The following DENND1B variants were observed in gnomAD, a reference collection of about 807,000 sequenced individuals.
DENND1B encodes DENN domain containing 1B.
A neutral mutation model predicts 90.1 loss-of-function variants in DENND1B; 59 were observed. The observed-to-expected ratio is 0.65, with a 90% CI of 0.53 to 0.81. DENND1B has a LOEUF of 0.81. Ranked by LOEUF, DENND1B falls within the 40% of genes least tolerant of loss-of-function variation. The pLI is 0.00. For missense variants in DENND1B, 862 were observed against 912.6 expected, an observed-to-expected ratio of 0.94 and a Z score of 0.71; for synonymous variants, 337 against 324.6, an observed-to-expected ratio of 1.04 and a Z score of -0.41.
At chr1:197,753,518 T>C (rs1238017794) in intron 2 of DENND1B, among the ~76,000 whole-genome samples, 1 of 151,990 alleles carries the variant, frequency 6.6e-6, no homozygotes, top group South Asian at 2.1e-4. Flanking sequence ...ATATACAACA[T>C]GATAAGTGAT....
At chr1:197,663,854 C>A (rs1319927895) in intron 5 of DENND1B, among the ~76,000 whole-genome samples, 1 of 152,068 alleles carries the variant, frequency 6.6e-6, no homozygotes, top group Non-Finnish European at 1.5e-5. Context: ...GGAAATCCTA[C>A]CGACTACTCA....
At chr1:197,529,242 A>ATATATATGTGTG (rs1553277550) in intron 20 of DENND1B, among the ~76,000 whole-genome samples, 3 of 10,860 alleles carry the variant, frequency 2.8e-4, no homozygotes, top group African/African-American at 3.4e-4. Context: ...ATATATATAT[A>ATATATATGTGTG]TGTGTGTGTG....
chr1:197,544,804 A>AGAAGAAGAGGAAGAGGAG (rs754253421), intron 18 of DENND1B, among the ~76,000 whole-genome samples: 58 of 128,364 alleles, frequency 4.5e-4, no homozygotes, highest in African/African-American at 1.3e-3. Flanking sequence ...AGGAGGAAGA[A>AGAAGAAGAGGAAGAGGAG]GAAGAAGAGG....
chr1:197,687,507 A>T (rs191298350), intron 3 of DENND1B, among the ~76,000 whole-genome samples: 8 of 152,178 alleles, frequency 5.3e-5, no homozygotes, highest in Non-Finnish European at 1.0e-4. Flanking sequence ...AATTAGTAGC[A>T]TCACCATTTA....
intron 20 of DENND1B, among the ~76,000 whole-genome samples, chr1:197,515,440 A>AT (rs1279972672): frequency 6.6e-6 from 1 of 151,720 alleles, no homozygotes; most frequent in Non-Finnish European, 1.5e-5. Flanking sequence ...AACTCACAAA[A>AT]TATGATACAA....
intron 3 of DENND1B, among the ~76,000 whole-genome samples, chr1:197,695,344 T>G (rs1418813328): frequency 6.6e-6 from 1 of 151,050 alleles, no homozygotes; most frequent in Non-Finnish European, 1.5e-5. Context: ...AGTGGTTGTA[T>G]GTACAAAGAA....
chr1:197,749,975 T>C (rs946967977), intron 2 of DENND1B, among the ~76,000 whole-genome samples: 8 of 151,960 alleles, frequency 5.3e-5, no homozygotes, highest in African/African-American at 1.7e-4. Context: ...GCCTCCAGAG[T>C]AGCTGGGACT....
chr1:197,723,620 G>C (rs990826936), intron 2 of DENND1B, among the ~76,000 whole-genome samples: 1 of 151,998 alleles, frequency 6.6e-6, no homozygotes, highest in East Asian at 1.9e-4. Context: ...AAGTTAATAG[G>C]TTGCTTGTAG....
intron 10 of DENND1B, among the ~76,000 whole-genome samples, chr1:197,636,884 C>A (rs1271386186): frequency 2.0e-5 from 3 of 151,852 alleles, no homozygotes; most frequent in Non-Finnish European, 4.4e-5. Context: ...ACCAAATTAG[C>A]CCTTTATAGT....
rs1667968734 is a variant in DENND1B at position 197,510,759 on chromosome 1, C to T, written c.2029G>A (p.Val677Met). The change falls in exon 23 of 23, where the codon GTG becomes ATG. Residue 677 changes from valine (V) to methionine (M), a missense_variant. Val to Met is a conservative substitution (Grantham distance 21). Transcript: ENST00000620048. ...TCCAGTCCTGAAGTAGGGTCACTCACATTGTCAGCACCGAGGTGCTTGTTA... is the reference window on the plus strand; with the variant it reads ...TCCAGTCCTGAAGTAGGGTCACTCATATTGTCAGCACCGAGGTGCTTGTTA... Reference protein sequence around the residue: ...NSNKHLGADNVSDPTSGLDFQ... With the variant: ...NSNKHLGADNMSDPTSGLDFQ... The T allele has an allele frequency of 1.2e-6, 2 of 1,612,618 alleles. No individual in the cohort carries two copies. Among genetic ancestry groups the T allele is most frequent in the Non-Finnish European group, 1.7e-6 (2 of 1,179,172 alleles).
chr1:197,771,927 C>CA, intron 2 of DENND1B, among the ~76,000 whole-genome samples: 1 of 152,236 alleles, frequency 6.6e-6, no homozygotes, highest in East Asian at 1.9e-4. Context: ...CACATATGCA[C>CA]AATACACAAT....
chr1:197,771,554 T>C (rs1656618312), intron 2 of DENND1B, among the ~76,000 whole-genome samples: 1 of 152,192 alleles, frequency 6.6e-6, no homozygotes, highest in Non-Finnish European at 1.5e-5. Flanking sequence ...AGTACAGTAG[T>C]AGGGCTGGTG....
chr1:197,680,313 T>C (rs965832841), intron 3 of DENND1B, among the ~76,000 whole-genome samples: 4 of 152,172 alleles, frequency 2.6e-5, no homozygotes, highest in Non-Finnish European at 4.4e-5. Context: ...CTATACTAAC[T>C]AGTAATATTT....
chr1:197,530,571 T>A (rs929318040), intron 20 of DENND1B, among the ~76,000 whole-genome samples: 1 of 152,178 alleles, frequency 6.6e-6, no homozygotes. Context: ...TCATCCCTAC[T>A]TAGAATGAAG....
At chr1:197,546,804 T>C (rs1403240459) in intron 16 of DENND1B, 31 bp from the exon 17 acceptor site, 7 of 1,528,482 alleles carry the variant, frequency 4.6e-6, no homozygotes, top group African/African-American at 1.4e-5. Flanking sequence ...ATGCCAGGAA[T>C]GGTTGATCAA....
chr1:197,624,861 G>A lies in DENND1B; in HGVS notation c.673-7102C>T, dbSNP rs1572103215. On this transcript the variant is annotated intron_variant, in intron 10 of 22. Coordinates refer to ENST00000620048, the MANE Select transcript of DENND1B (RefSeq NM_001195215.2). ...CTGAAAGCCAAGGCTCGAGAACTATGTGAAGAATGCAGAAGCCTCAGGAGC... is the reference window on the plus strand; with the variant it reads ...CTGAAAGCCAAGGCTCGAGAACTATATGAAGAATGCAGAAGCCTCAGGAGC... 4.6e-5 allele frequency among the ~76,000 whole-genome samples: 7 copies of A among 152,034 alleles called. 1 individual carries two copies. The highest frequency in any genetic ancestry group is 4.6e-4 in the Admixed American group (7 of 15,258).
chr1:197,769,692 T>G (rs1467212318), intron 2 of DENND1B, among the ~76,000 whole-genome samples: 2 of 151,620 alleles, frequency 1.3e-5, no homozygotes, highest in Admixed American at 1.3e-4. Flanking sequence ...GCATCCTAAT[T>G]TATACATTTT....
At chr1:197,738,994 A>G (rs1052123059) in intron 2 of DENND1B, among the ~76,000 whole-genome samples, 1 of 152,234 alleles carries the variant, frequency 6.6e-6, no homozygotes, top group African/African-American at 2.4e-5. Context: ...GAAGCTGCAC[A>G]GGAATAGAGC....
At chr1:197,612,265 A>G (rs2125849780) in intron 11 of DENND1B, among the ~76,000 whole-genome samples, 1 of 150,710 alleles carries the variant, frequency 6.6e-6, no homozygotes, top group East Asian at 2.0e-4. Context: ...TTTTACCTTA[A>G]GAAGAATATC....
Sources: allele counts gnomAD v4.1 joint callset (sites outside exome capture counted in the v4.1 genomes callset), GRCh38; gene constraint gnomAD v4.1.1; transcripts MANE v1.5; gene names NCBI Gene and HGNC (gene_info 2026-07-23, HGNC 2026-07-21).